Variants in ITCH observed in about 807,000 individuals in gnomAD.
ITCH encodes itchy E3 ubiquitin protein ligase, also known as E3 ubiquitin-protein ligase Itchy homolog.
ITCH carries 28 observed loss-of-function variants against 126.8 expected under a neutral mutation model. That is an observed-to-expected ratio of 0.22 (90% CI 0.16 to 0.30). ITCH has a LOEUF of 0.30. ITCH is among the 10% of genes least tolerant of loss of function. The probability of loss-of-function intolerance (pLI) is 1.00; values close to 1 mark genes in which losing one functional copy is unlikely to be tolerated. For synonymous variants in ITCH, 342 were observed against 340.0 expected (o/e 1.01, Z -0.06); for missense variants, 631 against 1,032.4 (o/e 0.61, Z 5.33).
intron 14 of ITCH, among the ~76,000 whole-genome samples, chr20:34,466,624 TG>T (rs1987095196): frequency 6.6e-6 from 1 of 152,228 alleles, no homozygotes; most frequent in African/African-American, 2.4e-5. Flanking sequence ...TAGTGGTTTA[TG>T]TAAGATAGAA....
chr20:34,472,024 GAT>G (rs765687040), intron 16 of ITCH, among the ~76,000 whole-genome samples: 1 of 152,074 alleles, frequency 6.6e-6, no homozygotes, highest in African/African-American at 2.4e-5. Flanking sequence ...TCTAAAAAAA[GAT>G]ATATATGAGT....
chr20:34,438,760 GAA>G, intron 8 of ITCH, 129 bp downstream of exon 8: 1 of 1,262,982 alleles, frequency 7.9e-7, no homozygotes, highest in Non-Finnish European at 1.1e-6. Context: ...TTTTGGAAAA[GAA>G]TGATCTTTCT....
chr20:34,399,390 C>G (rs1244081657), intron 3 of ITCH, among the ~76,000 whole-genome samples: 1 of 151,474 alleles, frequency 6.6e-6, no homozygotes, highest in East Asian at 1.9e-4. Context: ...GAAACTGTCT[C>G]AAAAAAATAA....
chr20:34,393,311 C>A (rs1345066571), intron 2 of ITCH, among the ~76,000 whole-genome samples: 1 of 152,074 alleles, frequency 6.6e-6, no homozygotes, highest in East Asian at 1.9e-4. Context: ...GAGTTTGAAA[C>A]CAGCCTGGGC....
chr20:34,478,977 G>T (rs1245752332), intron 17 of ITCH, among the ~76,000 whole-genome samples: 3 of 152,116 alleles, frequency 2.0e-5, no homozygotes, highest in African/African-American at 7.2e-5. Context: ...TATGCCACAT[G>T]TATTACCCCA....
At chr20:34,402,158 A>G in intron 3 of ITCH, 1 of 1,192,534 alleles carries the variant, frequency 8.4e-7, no homozygotes, top group South Asian at 1.2e-5. Context: ...CTAGCAGCAC[A>G]CATATGCAGC....
intron 2 of ITCH, among the ~76,000 whole-genome samples, chr20:34,390,093 C>T (rs1035246250): frequency 6.8e-6 from 1 of 147,224 alleles, no homozygotes; most frequent in African/African-American, 2.5e-5. Context: ...TGCACTCAGC[C>T]AGGGCAACAG....
intron 12 of ITCH, among the ~76,000 whole-genome samples, chr20:34,450,457 A>G (rs1279428228): frequency 6.6e-6 from 1 of 152,198 alleles, no homozygotes; most frequent in Non-Finnish European, 1.5e-5. Context: ...GTTATTGAGT[A>G]TATCTGATAC....
intron 3 of ITCH, among the ~76,000 whole-genome samples, chr20:34,401,257 A>G (rs2038873875): frequency 6.6e-6 from 1 of 152,090 alleles, no homozygotes; most frequent in Admixed American, 6.6e-5. Flanking sequence ...CTCAGCTATT[A>G]TACTGAACTC....
chr20:34,475,437 G>A (rs1239604434), intron 16 of ITCH, among the ~76,000 whole-genome samples: 7 of 152,220 alleles, frequency 4.6e-5, no homozygotes, highest in Admixed American at 1.3e-4. Context: ...CGGATCACTC[G>A]CGGTTAGGAG....
rs745401412 is a variant in ITCH at position 34,442,274 on chromosome 20, A to G, written c.936A>G (p.Thr312=). The change falls in exon 10 of 25, where the codon ACA becomes ACG. Residue 312 remains threonine, a synonymous_variant. Coordinates refer to ENST00000374864, the MANE Select transcript of ITCH (RefSeq NM_031483.7). ...TAGATCATGTTGAGAAAAGAACAAC[A>G]TGGGATAGACCAGAACCTCTACCTC... ...YYVDHVEKRT[T]WDRPEPLPPG... is the part of the protein sequence containing the mutation. 1 of 1,613,524 alleles carries G rather than the reference A, an allele frequency of 6.2e-7. No homozygotes were observed. The highest frequency in any genetic ancestry group is 2.2e-5 in the East Asian group (1 of 44,886).
intron 2 of ITCH, among the ~76,000 whole-genome samples, chr20:34,381,602 T>C (rs931606821): frequency 1.3e-5 from 2 of 151,938 alleles, no homozygotes; most frequent in Non-Finnish European, 2.9e-5. Flanking sequence ...AATTTTTTGT[T>C]TTTTTAGTAG....
chr20:34,440,360 A>G lies in ITCH; in HGVS notation c.869+16A>G. The G allele has an allele frequency of 6.3e-7, 1 of 1,582,754 alleles. No individual in the cohort carries two copies. Among genetic ancestry groups the G allele is most frequent in the Non-Finnish European group, 8.7e-7 (1 of 1,151,416 alleles). On this transcript the variant is annotated intron_variant, in intron 9 of 24. Transcript: ENST00000374864. Reference sequence around the variant, plus strand: ...TGCCACCTGGGTGAGTAACTTTTTAAATTAACATATGTTGTCTTTAGGATT... The same window carrying G: ...TGCCACCTGGGTGAGTAACTTTTTAGATTAACATATGTTGTCTTTAGGATT...
intron 6 of ITCH, 135 bp from the exon 7 acceptor site, chr20:34,424,345 G>A: frequency 1.4e-6 from 1 of 737,866 alleles, no homozygotes; most frequent in South Asian, 1.6e-5. Flanking sequence ...AAGTCATGTT[G>A]GAATTTAAGT....
chr20:34,385,043 C>G (rs945284019), intron 2 of ITCH, among the ~76,000 whole-genome samples: 6 of 151,188 alleles, frequency 4.0e-5, no homozygotes, highest in African/African-American at 1.5e-4. Flanking sequence ...AAGACCGAGT[C>G]TCACTCTGTC....
chr20:34,444,556 C>T (rs1984191844), intron 10 of ITCH, among the ~76,000 whole-genome samples: 1 of 152,060 alleles, frequency 6.6e-6, no homozygotes, highest in Non-Finnish European at 1.5e-5. Context: ...GCACTCCATC[C>T]AGTCTGGGCA....
intron 16 of ITCH, chr20:34,476,421 G>C: frequency 8.1e-7 from 1 of 1,234,128 alleles, no homozygotes; most frequent in Non-Finnish European, 1.0e-6. Flanking sequence ...CGGCCGGGTC[G>C]CCGAGGACCG....
chr20:34,472,103 C>T (rs987101672), intron 16 of ITCH, among the ~76,000 whole-genome samples: 1 of 151,966 alleles, frequency 6.6e-6, no homozygotes, highest in Non-Finnish European at 1.5e-5. Flanking sequence ...TCGCTGGGCA[C>T]GGTGGCTCAT....
intron 20 of ITCH, among the ~76,000 whole-genome samples, chr20:34,484,696 T>C (rs1362698182): frequency 6.6e-6 from 1 of 152,206 alleles, no homozygotes; most frequent in Non-Finnish European, 1.5e-5. Context: ...GTTTTTAGTA[T>C]TATTTTAAGA....
Sources: gnomAD v4.1 joint callset for allele counts (sites outside exome capture counted in the v4.1 genomes callset) on GRCh38, gnomAD v4.1.1 for gene constraint, MANE v1.5 for transcripts, NCBI Gene and HGNC (gene_info 2026-07-23, HGNC 2026-07-21) for gene names.